The following CLDN18 variants were observed in gnomAD, a reference collection of about 807,000 sequenced individuals.
The protein encoded by CLDN18 is claudin-18.
Under a neutral mutation model 25.0 loss-of-function variants are expected in CLDN18, and 20 were observed. The ratio of observed to expected loss-of-function variants is 0.80; its 90% CI spans 0.56 to 1.16. CLDN18 has a LOEUF of 1.16. Among genes scored for constraint, CLDN18 ranks in the 50% most tolerant of loss-of-function variants. The pLI is 0.00. For missense variants in CLDN18, 297 were observed against 345.4 expected, an observed-to-expected ratio of 0.86 and a Z score of 1.11; for synonymous variants, 125 against 135.6, an observed-to-expected ratio of 0.92 and a Z score of 0.54.
chr3:138,012,054 C>CT, intron 1 of CLDN18, among the ~76,000 whole-genome samples: 1 of 152,314 alleles, frequency 6.6e-6, no homozygotes, highest in South Asian at 2.1e-4. Flanking sequence ...GGATCATGCC[C>CT]TGTTGGTCAG....
rs768976314 is a variant in CLDN18 at position 138,022,098 on chromosome 3, C to T, written c.221-1560C>T. ...CTACCTCACTGTTGGGTTTCATCTG[C>T]TTGCCATTATACAGCAGCTCACCAC... is the stretch of plus-strand genomic sequence containing the variant. On this transcript the variant is annotated intron_variant, in intron 1 of 4. Coordinates refer to ENST00000183605, the MANE Select transcript of CLDN18 (RefSeq NM_016369.4). Among the ~76,000 whole-genome samples the T allele has an allele frequency of 1.8e-4, 27 of 152,276 alleles. No homozygotes were observed. The South Asian group carries it at 2.1e-3, about 12-fold the overall frequency.
chr3:138,018,532 T>A (rs1368871455), intron 1 of CLDN18, among the ~76,000 whole-genome samples: 1 of 151,904 alleles, frequency 6.6e-6, no homozygotes, highest in Non-Finnish European at 1.5e-5. Context: ...GAGACGGGGT[T>A]TCACCGTTTT....
At chr3:138,023,299 C>T (rs935808210) in intron 1 of CLDN18, among the ~76,000 whole-genome samples, 2 of 152,176 alleles carry the variant, frequency 1.3e-5, no homozygotes, top group Admixed American at 6.5e-5. Context: ...TGAACTCTTA[C>T]CTTAGGCAAA....
intron 1 of CLDN18, among the ~76,000 whole-genome samples, chr3:138,003,831 TAAAG>T (rs1942041762): frequency 6.6e-6 from 1 of 152,156 alleles, no homozygotes; most frequent in Non-Finnish European, 1.5e-5. Flanking sequence ...AAAAATTTTT[TAAAG>T]AAATTAATAT....
intron 1 of CLDN18, among the ~76,000 whole-genome samples, chr3:138,022,385 C>G (rs182889741): frequency 6.6e-6 from 1 of 152,162 alleles, no homozygotes; most frequent in Non-Finnish European, 1.5e-5. Context: ...ATGTGTTACC[C>G]ACCTGAAGAG....
upstream of CLDN18, chr3:138,009,988 C>G (rs1219360799): frequency 1.6e-6 from 1 of 619,534 alleles, no homozygotes; most frequent in Non-Finnish European, 2.7e-6. Context: ...CTGAACCCAC[C>G]CGGCCTGCGG....
intron 1 of CLDN18, among the ~76,000 whole-genome samples, chr3:137,999,611 C>T (rs1576403952): frequency 6.6e-6 from 1 of 152,150 alleles, no homozygotes; most frequent in Non-Finnish European, 1.5e-5. Flanking sequence ...TTCCCTGGGA[C>T]GTCAGATGGG....
intron 3 of CLDN18, among the ~76,000 whole-genome samples, chr3:138,028,629 T>C (rs1942354111): frequency 6.6e-6 from 1 of 152,238 alleles, no homozygotes; most frequent in Non-Finnish European, 1.5e-5. Context: ...AATCAAGTTA[T>C]CAGCTGGCAT....
At chr3:138,008,159 G>T (rs968018465), upstream of CLDN18, among the ~76,000 whole-genome samples, 2 of 148,862 alleles carry the variant, frequency 1.3e-5, no homozygotes, top group African/African-American at 4.9e-5. Flanking sequence ...AGACACAGAG[G>T]CTCGTTTCCT....
At chr3:138,003,614 G>A (rs1942040290) in intron 1 of CLDN18, among the ~76,000 whole-genome samples, 2 of 152,030 alleles carry the variant, frequency 1.3e-5, no homozygotes, top group African/African-American at 4.8e-5. Context: ...AATGAAAGAA[G>A]TTTTACTAAC....
At chr3:138,003,267 G>C (rs901134259) in intron 1 of CLDN18, among the ~76,000 whole-genome samples, 2 of 152,158 alleles carry the variant, frequency 1.3e-5, no homozygotes, top group African/African-American at 4.8e-5. Flanking sequence ...ATCATCCCTG[G>C]TTAAGAACCA....
At chr3:138,018,945 C>G (rs1428016741) in intron 1 of CLDN18, among the ~76,000 whole-genome samples, 1 of 152,102 alleles carries the variant, frequency 6.6e-6, no homozygotes. Flanking sequence ...CCCCTCTTGC[C>G]CATAGCAATT....
At chr3:138,003,559 G>A (rs750631102) in intron 1 of CLDN18, among the ~76,000 whole-genome samples, 13 of 152,122 alleles carry the variant, frequency 8.5e-5, no homozygotes, top group Non-Finnish European at 1.6e-4. Context: ...AATGAGATAC[G>A]TTAAACGCTT....
chr3:138,008,171 G>A (rs1399352209), upstream of CLDN18, among the ~76,000 whole-genome samples: 1 of 145,382 alleles, frequency 6.9e-6, no homozygotes, highest in Non-Finnish European at 1.5e-5. Flanking sequence ...TCGTTTCCTG[G>A]AGAACCTGTA....
In CLDN18 at chr3:138,003,474, CTA is replaced by C. The variant is rs1208992904; in HGVS notation, c.220+4388_220+4389del. ...AATCACAGTGGCACGAGAGAATGTA[CTA>C]TGTTAAGAAAATTAAAAGGACTTAG... On this transcript the variant is annotated intron_variant, in intron 1 of 4. Coordinates refer to the CLDN18 transcript ENST00000343735. Among the ~76,000 whole-genome samples the C allele has an allele frequency of 5.3e-5, 8 of 152,224 alleles. No individual in the cohort carries two copies. In the East Asian group the frequency reaches 1.5e-3, roughly 29 times the overall value.
At chr3:138,006,762 A>G (rs1173870169), upstream of CLDN18, among the ~76,000 whole-genome samples, 1 of 152,240 alleles carries the variant, frequency 6.6e-6, no homozygotes, top group Non-Finnish European at 1.5e-5. Flanking sequence ...TATTTCACAC[A>G]GAAGAAGTGT....
chr3:138,001,137 A>C (rs1399915299), intron 1 of CLDN18, among the ~76,000 whole-genome samples: 1 of 152,258 alleles, frequency 6.6e-6, no homozygotes, highest in African/African-American at 2.4e-5. Flanking sequence ...AACTTGCCCA[A>C]GGACACTTGC....
chr3:138,010,503 C>T, intron 1 of CLDN18, 58 bp downstream of exon 1: 2 of 1,598,334 alleles, frequency 1.3e-6, no homozygotes, highest in Non-Finnish European at 1.7e-6. Context: ...GGGAAGGGGG[C>T]GTTTGCGTTA....
chr3:138,016,650 A>G (rs1415811797), intron 1 of CLDN18, among the ~76,000 whole-genome samples: 1 of 152,180 alleles, frequency 6.6e-6, no homozygotes, highest in African/African-American at 2.4e-5. Flanking sequence ...TAAAGTGGTA[A>G]GCCTTACAGT....
Sources: allele counts gnomAD v4.1 joint callset (sites outside exome capture counted in the v4.1 genomes callset), GRCh38; gene constraint gnomAD v4.1.1; transcripts MANE v1.5; gene names NCBI Gene and HGNC (gene_info 2026-07-23, HGNC 2026-07-21).